The following ATP2B4 variants were observed in gnomAD, a reference collection of about 807,000 sequenced individuals.
The protein encoded by ATP2B4 is ATPase plasma membrane Ca2+ transporting 4.
ATP2B4 carries 39 observed loss-of-function variants against 110.3 expected under a neutral mutation model. The observed-to-expected ratio is 0.35, with a 90% CI of 0.27 to 0.46. The LOEUF (loss-of-function observed/expected upper bound fraction) is 0.46, where lower values mean the gene tolerates loss of function less well. Ranked by LOEUF, ATP2B4 falls within the 20% of genes least tolerant of loss-of-function variation. The probability of loss-of-function intolerance (pLI) is 1.00; values close to 1 mark genes in which losing one functional copy is unlikely to be tolerated. For missense variants in ATP2B4, 1,135 were observed against 1,530.9 expected (o/e 0.74, Z 4.32); for synonymous variants, 538 against 571.7 (o/e 0.94, Z 0.84).
chr1:203,657,762 G>T, intron 1 of ATP2B4: 1 of 666,956 alleles, frequency 1.5e-6, no homozygotes, highest in South Asian at 1.8e-5. Context: ...CTGTGGCATG[G>T]TGACAGGCGC....
chr1:203,734,933 G>A (rs1448338278), intron 20 of ATP2B4, among the ~76,000 whole-genome samples: 1 of 149,148 alleles, frequency 6.7e-6, no homozygotes, highest in African/African-American at 2.5e-5. Context: ...GAACCCAGGA[G>A]GCGGAGGTTG....
At position 203,698,139 on chromosome 1, in the gene ATP2B4, C is replaced by G; in HGVS notation, c.194-18C>G. ...CTTTTTTCCTACATTCATTCATCCA[C>G]TCCTATCTCCTTTTCAGGTCTGTCT... On this transcript the variant is annotated intron_variant, in intron 2 of 20. Coordinates refer to ENST00000357681, the MANE Select transcript of ATP2B4 (RefSeq NM_001684.5). 6.2e-7 allele frequency: 1 copy of G among 1,613,534 alleles called. No homozygotes were observed. The highest frequency in any genetic ancestry group is 8.5e-7 in the Non-Finnish European group (1 of 1,179,538).
At chr1:203,663,270 C>T (rs182967802) in intron 1 of ATP2B4, among the ~76,000 whole-genome samples, 6 of 152,198 alleles carry the variant, frequency 3.9e-5, no homozygotes, top group Middle Eastern at 3.4e-3. Flanking sequence ...TAGAATTCTG[C>T]GGACTGGGAA....
rs201173785 is a variant in ATP2B4 at position 203,720,657 on chromosome 1, A to G, written c.2515A>G (p.Ser839Gly). 1 of 1,614,168 alleles carries G rather than the reference A, an allele frequency of 6.2e-7. No individual in the cohort carries two copies. The highest frequency in any genetic ancestry group is 1.6e-4 in the Middle Eastern group (1 of 6,062). ...AVMWGRNVYDSISKFLQFQLT... is the reference protein window; with the variant it reads ...AVMWGRNVYDGISKFLQFQLT... ...GATGTGGGGACGAAATGTCTATGAC[A>G]GCATCTCCAAGTTCCTGCAGTTCCA... Residue 839 changes from serine (S) to glycine (G), a missense_variant, in exon 16 of 21, where the codon AGC becomes GGC. By Grantham distance (56) the Ser-to-Gly change is moderately conservative (BLOSUM62 0). Around this residue, in one of 9 missense-constraint regions of ATP2B4, gnomAD observed 70 missense variants for 142.4 expected, o/e 0.49. Coordinates refer to ENST00000357681, the MANE Select transcript of ATP2B4 (RefSeq NM_001684.5).
chr1:203,664,387 G>A (rs185418237), intron 1 of ATP2B4, among the ~76,000 whole-genome samples: 159 of 152,328 alleles, frequency 1.0e-3, no homozygotes, highest in African/African-American at 3.7e-3. Flanking sequence ...CAGAGGGGCA[G>A]GAGCAGTTTG....
intron 1 of ATP2B4, among the ~76,000 whole-genome samples, chr1:203,660,462 C>G (rs935640086): frequency 3.4e-5 from 5 of 148,942 alleles, no homozygotes; most frequent in Non-Finnish European, 7.4e-5. Context: ...ATGTAACAGC[C>G]GATGAATAGG....
intron 20 of ATP2B4, among the ~76,000 whole-genome samples, chr1:203,732,256 G>A (rs1666751437): frequency 6.6e-6 from 1 of 151,946 alleles, no homozygotes; most frequent in South Asian, 2.1e-4. Flanking sequence ...GGCTACTTGT[G>A]TAAGCCTCGA....
chr1:203,684,591 C>T (rs1665124609), intron 2 of ATP2B4, among the ~76,000 whole-genome samples: 1 of 151,738 alleles, frequency 6.6e-6, no homozygotes, highest in South Asian at 2.1e-4. Context: ...CTCCTGACCT[C>T]AGGTGATCTG....
chr1:203,707,992 T>C lies in ATP2B4; in HGVS notation c.1445T>C (p.Ile482Thr), dbSNP rs770123628. The C allele has an allele frequency of 6.2e-7, 1 of 1,614,190 alleles. No homozygotes were observed. Among genetic ancestry groups the C allele is most frequent in the Non-Finnish European group, 8.5e-7 (1 of 1,180,040 alleles). ...MNRMTVVQAY[I>T]GGIHYRQIPS... ...CGCATGACTGTGGTACAAGCTTATA[T>C]TGGGGGCATCCATTACCGTCAAATC... Residue 482 changes from isoleucine to threonine, a missense_variant, in exon 10 of 21, where the codon ATT becomes ACT. By Grantham distance (89) the Ile-to-Thr change is moderately conservative (BLOSUM62 -1). Around this residue, in one of 9 missense-constraint regions of ATP2B4, gnomAD observed 368 missense variants for 455.9 expected, o/e 0.81. Transcript: ENST00000357681.
At chr1:203,705,155 T>C (rs1376396830) in intron 8 of ATP2B4, among the ~76,000 whole-genome samples, 1 of 152,222 alleles carries the variant, frequency 6.6e-6, no homozygotes, top group South Asian at 2.1e-4. Flanking sequence ...GTGGCTGTCA[T>C]ATTGGACAGC....
At position 203,707,111 on chromosome 1, in the gene ATP2B4, T is replaced by C. The variant is rs753270674; in HGVS notation, c.1202T>C (p.Ile401Thr). 1.9e-6 allele frequency: 3 copies of C among 1,614,180 alleles called. No homozygotes were observed. The highest frequency in any genetic ancestry group is 2.5e-6 in the Non-Finnish European group (3 of 1,180,032). The change falls in exon 9 of 21, where the codon ATC becomes ACC. Residue 401 changes from isoleucine to threonine, a missense_variant. Transcript: ENST00000357681. ...CCATGGCTCCCTGAGTGTACTCCCATCTACATCCAGTACTTTGTCAAGTTC... is the reference window on the plus strand; with the variant it reads ...CCATGGCTCCCTGAGTGTACTCCCACCTACATCCAGTACTTTGTCAAGTTC... ...RRPWLPECTP[I>T]YIQYFVKFFI...
chr1:203,711,150 G>A lies in ATP2B4; in HGVS notation c.2031+42G>A, dbSNP rs776937545. Reference sequence around the variant, plus strand: ...CCACCCAGGAGTCTCAGGAAGTGGGGTACTAGTTCCCTTTCTAGTTGTGAC... The same window carrying A: ...CCACCCAGGAGTCTCAGGAAGTGGGATACTAGTTCCCTTTCTAGTTGTGAC... On this transcript the variant is annotated intron_variant, in intron 12 of 20. Transcript: ENST00000357681. 4 of 1,578,626 alleles carry A rather than the reference G, an allele frequency of 2.5e-6. No individual in the cohort carries two copies. In the South Asian group the frequency reaches 3.3e-5, roughly 13 times the overall value.
At chr1:203,722,036 C>T (rs1018760376) in intron 17 of ATP2B4, among the ~76,000 whole-genome samples, 20 of 152,110 alleles carry the variant, frequency 1.3e-4, no homozygotes, top group African/African-American at 4.8e-4. Context: ...AAATTCAAAC[C>T]TATGATTGCC....
At chr1:203,653,191 A>G (rs1178214640) in intron 1 of ATP2B4, among the ~76,000 whole-genome samples, 2 of 152,270 alleles carry the variant, frequency 1.3e-5, no homozygotes, top group African/African-American at 4.8e-5. Context: ...ACCAGCCACA[A>G]CATTCCCTTA....
intron 8 of ATP2B4, among the ~76,000 whole-genome samples, chr1:203,705,084 A>T (rs187509778): frequency 2.0e-5 from 3 of 152,344 alleles, no homozygotes; most frequent in Non-Finnish European, 4.4e-5. Context: ...AAAAGTAAAT[A>T]AAGTTAAAAA....
intron 18 of ATP2B4, among the ~76,000 whole-genome samples, chr1:203,723,663 A>G (rs930276739): frequency 3.3e-5 from 5 of 152,060 alleles, no homozygotes; most frequent in Non-Finnish European, 5.9e-5. Context: ...TCATAGTCAC[A>G]GTAACTATGT....
chr1:203,637,363 G>A (rs560917353), intron 1 of ATP2B4, among the ~76,000 whole-genome samples: 5 of 151,106 alleles, frequency 3.3e-5, no homozygotes, highest in Admixed American at 6.6e-5. Context: ...CCCCCGGGGG[G>A]GGGCGGAGCC....
At chr1:203,692,614 C>T (rs932051023) in intron 2 of ATP2B4, among the ~76,000 whole-genome samples, 4 of 152,188 alleles carry the variant, frequency 2.6e-5, no homozygotes, top group African/African-American at 7.2e-5. Flanking sequence ...TCTGCTGCCT[C>T]CTTTGGCAAG....
At chr1:203,672,337 TTTTTTTTTTTTTTTTTTTTA>T (rs1019819838) in intron 1 of ATP2B4, among the ~76,000 whole-genome samples, 16 of 63,158 alleles carry the variant, frequency 2.5e-4, no homozygotes, top group Middle Eastern at 5.4e-3. Flanking sequence ...TTTTTTTTTT[TTTTTTTTTTTTTTTTTTTTA>T]AAGCTGATTT....
Sources: allele counts gnomAD v4.1 joint callset (sites outside exome capture counted in the v4.1 genomes callset), GRCh38; gene constraint gnomAD v4.1.1; regional missense constraint gnomAD v4.1.1; transcripts MANE v1.5; gene names NCBI Gene and HGNC (gene_info 2026-07-23, HGNC 2026-07-21).